WIF1: variants seen among roughly 807,000 people sequenced by gnomAD.
The protein encoded by WIF1 is Wnt inhibitory factor 1.
A neutral mutation model predicts 53.5 loss-of-function variants in WIF1; 35 were observed. The observed-to-expected ratio is 0.65, with a 90% CI of 0.50 to 0.87. WIF1 has a LOEUF of 0.87. WIF1 is among the 40% of genes least tolerant of loss of function. WIF1 has a pLI of 0.00. For missense variants in WIF1, 467 were observed against 476.8 expected (o/e 0.98, Z 0.19); for synonymous variants, 171 against 170.4 (o/e 1.00, Z -0.03).
intron 2 of WIF1, among the ~76,000 whole-genome samples, chr12:65,117,431 C>T (rs1352305828): frequency 6.6e-6 from 1 of 152,126 alleles, no homozygotes; most frequent in Non-Finnish European, 1.5e-5. Flanking sequence ...TGAAGTGGAA[C>T]ACGAGATGCA....
intron 7 of WIF1, among the ~76,000 whole-genome samples, chr12:65,060,016 T>G (rs1282277490): frequency 2.8e-5 from 3 of 107,484 alleles, no homozygotes; most frequent in Non-Finnish European, 6.4e-5. Context: ...GGAGTATACA[T>G]TTCATTTAAA....
intron 2 of WIF1, among the ~76,000 whole-genome samples, chr12:65,113,309 C>A (rs1483805014): frequency 3.3e-5 from 5 of 152,202 alleles, no homozygotes; most frequent in Non-Finnish European, 7.4e-5. Flanking sequence ...TAACCACACC[C>A]ATCTTATTCA....
intron 7 of WIF1, among the ~76,000 whole-genome samples, chr12:65,059,378 G>T (rs953941799): frequency 1.3e-5 from 2 of 152,074 alleles, no homozygotes; most frequent in African/African-American, 4.8e-5. Context: ...TTTTAACAGA[G>T]AATATTTTAT....
At chr12:65,066,816 G>T in intron 5 of WIF1, 80 bp from the exon 6 acceptor site, 2 of 945,476 alleles carry the variant, frequency 2.1e-6, no homozygotes, top group South Asian at 2.4e-5. Context: ...TAATACAACA[G>T]GTCTACATTT....
intron 9 of WIF1, 138 bp from the exon 10 acceptor site, chr12:65,051,608 C>T: frequency 9.0e-7 from 1 of 1,106,056 alleles, no homozygotes; most frequent in Non-Finnish European, 1.2e-6. Context: ...AAAAAGCTAC[C>T]TGAATGAAGA....
At chr12:65,098,781 G>T (rs1248461859) in intron 2 of WIF1, among the ~76,000 whole-genome samples, 3 of 152,144 alleles carry the variant, frequency 2.0e-5, no homozygotes, top group African/African-American at 7.2e-5. Context: ...ATATGGTGAT[G>T]TTGTATCCTA....
At chr12:65,094,628 A>T (rs1253177819) in intron 2 of WIF1, among the ~76,000 whole-genome samples, 1 of 152,324 alleles carries the variant, frequency 6.6e-6, no homozygotes, top group Non-Finnish European at 1.5e-5. Flanking sequence ...GTCTGAATTG[A>T]AGGAGCACTT....
intron 2 of WIF1, among the ~76,000 whole-genome samples, chr12:65,095,353 G>A (rs551865261): frequency 6.6e-6 from 1 of 152,164 alleles, no homozygotes; most frequent in Admixed American, 6.6e-5. Context: ...AATCCTTGTG[G>A]CTCTACTGCC....
intron 2 of WIF1, among the ~76,000 whole-genome samples, chr12:65,104,982 G>T (rs886708877): frequency 6.6e-6 from 1 of 152,182 alleles, no homozygotes; most frequent in Non-Finnish European, 1.5e-5. Flanking sequence ...ATAAAGAAAA[G>T]ATGATTTAAA....
intron 2 of WIF1, among the ~76,000 whole-genome samples, chr12:65,084,921 G>A (rs1443488259): frequency 6.6e-6 from 1 of 151,858 alleles, no homozygotes; most frequent in East Asian, 1.9e-4. Flanking sequence ...GAGCACTTTT[G>A]AAAAAAAGAA....
chr12:65,077,087 G>A (rs1882872755), intron 3 of WIF1, among the ~76,000 whole-genome samples: 1 of 152,026 alleles, frequency 6.6e-6, no homozygotes, highest in Non-Finnish European at 1.5e-5. Context: ...TTGACTTTGG[G>A]CAAGTCAGTC....
At chr12:65,078,652 C>T (rs1393127563) in intron 2 of WIF1, among the ~76,000 whole-genome samples, 2 of 152,008 alleles carry the variant, frequency 1.3e-5, no homozygotes, top group East Asian at 1.9e-4. Context: ...TTTAATGTCT[C>T]GATTTAATTG....
At chr12:65,089,788 T>A (rs1245714591) in intron 2 of WIF1, among the ~76,000 whole-genome samples, 1 of 152,206 alleles carries the variant, frequency 6.6e-6, no homozygotes, top group Non-Finnish European at 1.5e-5. Flanking sequence ...TTGCTACAGA[T>A]GCTTCTTTCC....
chr12:65,093,490 A>G (rs1883155540), intron 2 of WIF1, among the ~76,000 whole-genome samples: 1 of 152,162 alleles, frequency 6.6e-6, no homozygotes, highest in South Asian at 2.1e-4. Context: ...ATTTCTAAAA[A>G]TTGTTTTCTC....
intron 7 of WIF1, among the ~76,000 whole-genome samples, chr12:65,061,592 G>A (rs1882613009): frequency 6.6e-6 from 1 of 152,162 alleles, no homozygotes; most frequent in East Asian, 1.9e-4. Flanking sequence ...CTACATGGCT[G>A]GTCAATGGCA....
chr12:65,062,422 G>T, intron 7 of WIF1, 59 bp downstream of exon 7: 1 of 1,405,482 alleles, frequency 7.1e-7, no homozygotes, highest in East Asian at 2.4e-5. Context: ...AAATGAAGGG[G>T]TTATATGGGG....
chr12:65,092,588 A>C (rs1483773206), intron 2 of WIF1, among the ~76,000 whole-genome samples: 2 of 151,626 alleles, frequency 1.3e-5, no homozygotes, highest in East Asian at 3.9e-4. Flanking sequence ...GGGATGTTTT[A>C]CTAGAGACTG....
chr12:65,090,241 T>G (rs1335229579), intron 2 of WIF1, among the ~76,000 whole-genome samples: 1 of 152,082 alleles, frequency 6.6e-6, no homozygotes, highest in Non-Finnish European at 1.5e-5. Context: ...GCCACGAGGC[T>G]GGGGAGAATG....
chr12:65,114,734 C>A (rs1325952939), intron 2 of WIF1, among the ~76,000 whole-genome samples: 1 of 152,106 alleles, frequency 6.6e-6, no homozygotes, highest in Non-Finnish European at 1.5e-5. Flanking sequence ...AAACACATTC[C>A]TACAGTTTAA....
Sources: gnomAD v4.1 joint callset for allele counts (sites outside exome capture counted in the v4.1 genomes callset) on GRCh38, gnomAD v4.1.1 for gene constraint, MANE v1.5 for transcripts, NCBI Gene and HGNC (gene_info 2026-07-23, HGNC 2026-07-21) for gene names.